PSMD11: variants seen among roughly 807,000 people sequenced by gnomAD.
PSMD11 encodes the protein proteasome 26S subunit, non-ATPase 11, also known as 26S proteasome non-ATPase regulatory subunit 11.
In PSMD11, 5 loss-of-function variants were observed where a neutral mutation model predicts 62.3. That is an observed-to-expected ratio of 0.08 (90% CI 0.04 to 0.17). The LOEUF is 0.17. Among genes scored for constraint, PSMD11 ranks in the 10% least tolerant of loss-of-function variants. The pLI is 1.00. For synonymous variants in PSMD11, 191 were observed against 191.8 expected, an observed-to-expected ratio of 1.00 and a Z score of 0.03; for missense variants, 310 against 512.9, an observed-to-expected ratio of 0.60 and a Z score of 3.82.
In PSMD11 at chr17:32,454,559, T is replaced by C. The variant is rs760173860; in HGVS notation, c.258T>C (p.Ala86=). 15 of 1,614,082 alleles carry C rather than the reference T, an allele frequency of 9.3e-6. No homozygotes were observed. The Admixed American group carries it at 2.5e-4, about 27-fold the overall frequency. The change falls in exon 3 of 14, where the codon GCT becomes GCC. Residue 86 remains alanine, a synonymous_variant. Transcript: ENST00000261712. ...ATTCCATCAGCAAGGCTAAAGCAGC[T>C]CGCCTGGTCCGATCTCTTCTTGATC... ...FLNSISKAKA[A]RLVRSLLDLF... is the part of the protein sequence containing the mutation.
At position 32,472,087 on chromosome 17, in the gene PSMD11, T is replaced by C. The variant is rs552857617; in HGVS notation, c.644-1714T>C. Among the ~76,000 whole-genome samples the C allele has an allele frequency of 1.6e-4, 25 of 152,188 alleles. No homozygotes were observed. The South Asian group carries it at 5.0e-3, about 30-fold the overall frequency. On this transcript the variant is annotated intron_variant, in intron 6 of 13. Coordinates refer to ENST00000261712, the MANE Select transcript of PSMD11 (RefSeq NM_002815.4). Reference sequence around the variant, plus strand: ...TTCACCCTGTTGCCTAGGCTGGTCTTGAGCTCCTAGGTTCAGGTGATCCAC... The same window carrying C: ...TTCACCCTGTTGCCTAGGCTGGTCTCGAGCTCCTAGGTTCAGGTGATCCAC...
chr17:32,470,316 T>G (rs1157103335), intron 6 of PSMD11, among the ~76,000 whole-genome samples: 2 of 148,922 alleles, frequency 1.3e-5, no homozygotes, highest in African/African-American at 5.1e-5. Context: ...TTGTTTCTGT[T>G]TTTTTTTTTG....
At chr17:32,446,804 GTT>G (rs376587076) in intron 1 of PSMD11, 139 bp from the exon 2 acceptor site, 4,826 of 337,644 alleles carry the variant, frequency 0.014, no homozygotes, top group East Asian at 0.02. Context: ...CTGGCTTAGA[GTT>G]TTTTTTTTTT....
rs1235596988 is a variant in PSMD11, at chr17:32,444,550, C to T, written c.27C>T (p.Phe9=). 2 of 1,609,920 alleles carry T rather than the reference C, an allele frequency of 1.2e-6. No individual in the cohort carries two copies. Among genetic ancestry groups the T allele is most frequent in the African/African-American group, 1.3e-5 (1 of 74,842 alleles). The change falls in exon 1 of 14, where the codon TTC becomes TTT. Residue 9 remains phenylalanine (F), a synonymous_variant. Transcript: ENST00000261712. ...TGGCGGCGGCGGCGGTGGTGGAGTT[C>T]CAGAGAGCCCAGTCTCTACTCAGCA... MAAAAVVE[F]QRAQSLLSTD...
chr17:32,451,135 AG>A (rs1294338201), intron 2 of PSMD11, among the ~76,000 whole-genome samples: 2 of 151,392 alleles, frequency 1.3e-5, no homozygotes, highest in Non-Finnish European at 2.9e-5. Context: ...AAAAAAAAAA[AG>A]AAAAAAGAAA....
At position 32,480,195 on chromosome 17, in the gene PSMD11, A is replaced by T; in HGVS notation, c.1124A>T (p.His375Leu). The change falls in exon 12 of 14, where the codon CAT becomes CTT. Residue 375 changes from histidine to leucine, a missense_variant and splice_region_variant. By Grantham distance (99) the His-to-Leu change is moderately conservative. Around this residue, in one of 6 missense-constraint regions of PSMD11, gnomAD observed 135 missense variants for 195.4 expected, o/e 0.69. Coordinates refer to ENST00000261712, the MANE Select transcript of PSMD11 (RefSeq NM_002815.4). Reference sequence around the variant, plus strand: ...CAGATGATTCTTGACAAGAAATTTCATGGTAAGTAACAGTCACACAGGCAA... The same window carrying T: ...CAGATGATTCTTGACAAGAAATTTCTTGGTAAGTAACAGTCACACAGGCAA... ...LSQMILDKKF[H>L]GILDQGEGVL... 6.2e-7 allele frequency: 1 copy of T among 1,613,292 alleles called. No homozygotes were observed.
intron 2 of PSMD11, 183 bp downstream of exon 2, chr17:32,447,229 T>A (rs926173645): frequency 5.8e-6 from 3 of 517,662 alleles, no homozygotes; most frequent in Non-Finnish European, 6.8e-6. Context: ...CCTGGTAGTT[T>A]AGTTTTGCAA....
intron 3 of PSMD11, among the ~76,000 whole-genome samples, chr17:32,456,368 C>T (rs1284987638): frequency 6.6e-6 from 1 of 151,804 alleles, no homozygotes; most frequent in Non-Finnish European, 1.5e-5. Flanking sequence ...GCGGATAGAA[C>T]AGCATTTATT....
At chr17:32,453,169 C>T (rs1907557074) in intron 2 of PSMD11, among the ~76,000 whole-genome samples, 1 of 152,238 alleles carries the variant, frequency 6.6e-6, no homozygotes, top group Admixed American at 6.5e-5. Flanking sequence ...CTTCAGACTA[C>T]TTTTAAAAAG....
intron 3 of PSMD11, among the ~76,000 whole-genome samples, chr17:32,460,749 C>CT (rs1424490552): frequency 1.5e-5 from 2 of 131,628 alleles, no homozygotes; most frequent in Non-Finnish European, 3.4e-5. Context: ...GGGTGAGACA[C>CT]TGTCTCAAAA....
intron 5 of PSMD11, among the ~76,000 whole-genome samples, chr17:32,467,960 C>T (rs575419928): frequency 1.3e-5 from 2 of 152,162 alleles, no homozygotes; most frequent in Non-Finnish European, 2.9e-5. Context: ...TTCCTCCTCC[C>T]ACCCTCTGAT....
At position 32,469,022 on chromosome 17, in the gene PSMD11, A is replaced by G; in HGVS notation, c.472A>G (p.Lys158Glu). 1 of 1,613,762 alleles carries G rather than the reference A, an allele frequency of 6.2e-7. No homozygotes were observed. Among genetic ancestry groups the G allele is most frequent in the Non-Finnish European group, 8.5e-7 (1 of 1,179,846 alleles). The change falls in exon 6 of 14, where the codon AAA becomes GAA. Residue 158 changes from lysine (K) to glutamate (E), a missense_variant. Physicochemically the swap from Lys to Glu is moderately conservative, Grantham distance 56. Coordinates refer to ENST00000261712, the MANE Select transcript of PSMD11 (RefSeq NM_002815.4). ...HLGSQLLRELKKMDDKALLVE... is the reference protein window; with the variant it reads ...HLGSQLLRELEKMDDKALLVE... ...AGGTTCTCAGCTGCTGCGGGAGTTG[A>G]AAAAGATGGACGACAAAGCTCTTTT...
chr17:32,450,068 G>C (rs1183555988), intron 2 of PSMD11, among the ~76,000 whole-genome samples: 2 of 152,056 alleles, frequency 1.3e-5, no homozygotes, highest in African/African-American at 4.8e-5. Flanking sequence ...GTTCTGTGAG[G>C]TCCTGCCTCA....
At chr17:32,455,951 G>A (rs1435018918) in intron 3 of PSMD11, among the ~76,000 whole-genome samples, 2 of 151,914 alleles carry the variant, frequency 1.3e-5, no homozygotes, top group Non-Finnish European at 2.9e-5. Context: ...AGACCATCCT[G>A]GCTAACATGG....
intron 11 of PSMD11, 35 bp from the exon 12 acceptor site, chr17:32,480,111 A>G: frequency 6.2e-7 from 1 of 1,602,002 alleles, no homozygotes; most frequent in Non-Finnish European, 8.6e-7. Context: ...TGACTAGTGG[A>G]TACTGGTCCC....
chr17:32,476,471 A>G (rs537759989), intron 8 of PSMD11, among the ~76,000 whole-genome samples: 52 of 152,326 alleles, frequency 3.4e-4, no homozygotes, highest in African/African-American at 1.2e-3. Flanking sequence ...GCTGGAGACA[A>G]ACACACTAAT....
At position 32,482,065 on chromosome 17, in the gene PSMD11, C is replaced by A. The variant is rs189830516; in HGVS notation, c.*1313C>A. ...GTCTTTTTCTCTTTTCCTCTCCTTC[C>A]TGCCTTCTTCTGCTGGCCTCCTTTT... On this transcript the variant is annotated 3_prime_UTR_variant, in exon 14 of 14. Transcript: ENST00000261712. 1 of 152,016 alleles carries A rather than the reference C, an allele frequency of 6.6e-6. No individual in the cohort carries two copies. The highest frequency in any genetic ancestry group is 1.9e-4 in the East Asian group (1 of 5,180). 9.4% of individuals were successfully genotyped at this position (152,016 alleles called of 1,614,324 possible).
At position 32,473,929 on chromosome 17, in the gene PSMD11, A is replaced by G. The variant is rs1227705351; in HGVS notation, c.772A>G (p.Lys258Glu). The change falls in exon 7 of 14, where the codon AAA becomes GAA. Residue 258 changes from lysine to glutamate, a missense_variant. Coordinates refer to ENST00000261712, the MANE Select transcript of PSMD11 (RefSeq NM_002815.4). ...ITSLKYMLLC[K>E]IMLNTPEDVQ... ...ATCTCTGAAGTACATGTTGCTGTGCAAAATCATGCTCAACACGTAGGTGCA... is the reference window on the plus strand; with the variant it reads ...ATCTCTGAAGTACATGTTGCTGTGCGAAATCATGCTCAACACGTAGGTGCA... 1.9e-6 allele frequency: 3 copies of G among 1,614,046 alleles called. No homozygotes were observed. The highest frequency in any genetic ancestry group is 2.5e-6 in the Non-Finnish European group (3 of 1,180,016).
chr17:32,469,853 T>A (rs1382556497), intron 6 of PSMD11, among the ~76,000 whole-genome samples: 2 of 152,184 alleles, frequency 1.3e-5, no homozygotes, highest in Non-Finnish European at 2.9e-5. Flanking sequence ...GATCAGGCTT[T>A]CCTAGGTTGA....
Sources: allele counts gnomAD v4.1 joint callset (sites outside exome capture counted in the v4.1 genomes callset), GRCh38; gene constraint gnomAD v4.1.1; regional missense constraint gnomAD v4.1.1; transcripts MANE v1.5; gene names NCBI Gene and HGNC (gene_info 2026-07-23, HGNC 2026-07-21).